Variants in PPP2R3A observed in about 807,000 individuals in gnomAD.
PPP2R3A encodes the protein serine/threonine-protein phosphatase 2A regulatory subunit B'' subunit alpha.
Under a neutral mutation model 106.9 loss-of-function variants are expected in PPP2R3A, and 80 were observed. That is an observed-to-expected ratio of 0.75 (90% CI 0.62 to 0.90). PPP2R3A has a LOEUF of 0.90. Ranked by LOEUF, PPP2R3A falls within the 40% of genes least tolerant of loss-of-function variation. The pLI is 0.00. For missense variants in PPP2R3A, 1,386 were observed against 1,350.4 expected, an observed-to-expected ratio of 1.03 and a Z score of -0.41; for synonymous variants, 483 against 468.3, an observed-to-expected ratio of 1.03 and a Z score of -0.41.
At chr3:136,037,622 A>G (rs1050476015) in intron 3 of PPP2R3A, among the ~76,000 whole-genome samples, 2 of 152,202 alleles carry the variant, frequency 1.3e-5, no homozygotes, top group African/African-American at 4.8e-5. Context: ...AAATGGGATT[A>G]AAAAAATCAC....
intron 3 of PPP2R3A, among the ~76,000 whole-genome samples, chr3:136,028,002 C>T (rs1191504655): frequency 6.6e-6 from 1 of 152,224 alleles, no homozygotes; most frequent in South Asian, 2.1e-4. Flanking sequence ...CCTCAAACTT[C>T]TCTTCCTGGC....
chr3:136,039,849 G>GT (rs149125607), intron 3 of PPP2R3A, among the ~76,000 whole-genome samples: 3 of 151,698 alleles, frequency 2.0e-5, no homozygotes, highest in East Asian at 3.9e-4. Context: ...TCTCCTTCAG[G>GT]TTTTTTTTAA....
Position 136,022,964 on chromosome 3 carries a change from A to G in PPP2R3A, c.1996-3868A>G, listed in dbSNP as rs1248506896. Reference sequence around the variant, plus strand: ...CTTGAATTTCATTTCTTTGGGAGATAAGAAGAAAAAATACCTTCCTACCTG... The same window carrying G: ...CTTGAATTTCATTTCTTTGGGAGATGAGAAGAAAAAATACCTTCCTACCTG... On this transcript the variant is annotated intron_variant, in intron 2 of 13. Transcript: ENST00000264977. 1.9e-6 allele frequency: 3 copies of G among 1,548,102 alleles called. No homozygotes were observed. In the Admixed American group the frequency reaches 6.6e-5, roughly 34 times the overall value.
chr3:136,022,958 G>C, intron 2 of PPP2R3A: 13 of 1,536,212 alleles, frequency 8.5e-6, no homozygotes, highest in Non-Finnish European at 1.1e-5. Context: ...CATTTCTTTG[G>C]GAGATAAGAA....
At chr3:136,037,859 C>G (rs1034203377) in intron 3 of PPP2R3A, among the ~76,000 whole-genome samples, 1 of 151,962 alleles carries the variant, frequency 6.6e-6, no homozygotes, top group Non-Finnish European at 1.5e-5. Flanking sequence ...TATATTGACT[C>G]GCCTCCCCCT....
chr3:136,054,738 C>T (rs1016867696), intron 5 of PPP2R3A, among the ~76,000 whole-genome samples: 1 of 152,164 alleles, frequency 6.6e-6, no homozygotes, highest in South Asian at 2.1e-4. Context: ...TATTTTCTAC[C>T]TTTGTAAAAC....
chr3:136,097,235 A>G (rs1189570873), intron 10 of PPP2R3A, among the ~76,000 whole-genome samples: 1 of 152,028 alleles, frequency 6.6e-6, no homozygotes, highest in Non-Finnish European at 1.5e-5. Flanking sequence ...GAAACTTTAG[A>G]GAGTATCCAG....
rs762895388 is a variant in PPP2R3A, at chr3:136,002,030, C to A, written c.532C>A (p.Arg178=). 3 of 1,613,968 alleles carry A rather than the reference C, an allele frequency of 1.9e-6. No individual in the cohort carries two copies. In the South Asian group the frequency reaches 3.3e-5, roughly 18 times the overall value. The part of the protein sequence containing the change: ...DGNAPSFGLL[R]SSSVEEKPLS... Reference sequence around the variant, plus strand: ...GAACGCCCCATCCTTTGGTTTACTGCGGAGTTCCTCAGTTGAGGAAAAACC... The same window carrying A: ...GAACGCCCCATCCTTTGGTTTACTGAGGAGTTCCTCAGTTGAGGAAAAACC... Residue 178 remains arginine (R), a synonymous_variant, in exon 2 of 14, where the codon CGG becomes AGG. Coordinates refer to ENST00000264977, the MANE Select transcript of PPP2R3A (RefSeq NM_002718.5).
At chr3:136,032,230 A>G (rs1406871269) in intron 3 of PPP2R3A, among the ~76,000 whole-genome samples, 1 of 151,188 alleles carries the variant, frequency 6.6e-6, no homozygotes, top group South Asian at 2.1e-4. Flanking sequence ...GAGGTCTTTC[A>G]CCTCCTTGGT....
Position 136,088,457 on chromosome 3 carries a change from A to G in PPP2R3A, c.2837+526A>G, listed in dbSNP as rs143177131. On this transcript the variant is annotated intron_variant, in intron 9 of 13. Coordinates refer to ENST00000264977, the MANE Select transcript of PPP2R3A (RefSeq NM_002718.5). ...AATTTTTATGGCTGCATAGTATTCA[A>G]TGGTATATATGTACCACATTTTCTT... is the stretch of plus-strand genomic sequence containing the variant. Among the ~76,000 whole-genome samples the G allele has an allele frequency of 2.6e-3, 394 of 152,314 alleles. 7 individuals carry two copies. The East Asian group carries it at 0.047, about 18-fold the overall frequency.
At chr3:136,048,777 A>G (rs1003822581) in intron 4 of PPP2R3A, among the ~76,000 whole-genome samples, 3 of 152,226 alleles carry the variant, frequency 2.0e-5, no homozygotes, top group Non-Finnish European at 4.4e-5. Flanking sequence ...GCAACAAACA[A>G]GAGCCTAAGC....
At chr3:136,099,180 A>G (rs1395864741) in intron 10 of PPP2R3A, among the ~76,000 whole-genome samples, 4 of 152,158 alleles carry the variant, frequency 2.6e-5, no homozygotes, top group Admixed American at 6.5e-5. Context: ...ACACTGGGTC[A>G]TCCCCAAGGA....
intron 5 of PPP2R3A, among the ~76,000 whole-genome samples, chr3:136,065,290 A>T (rs1176787433): frequency 1.3e-5 from 2 of 152,198 alleles, no homozygotes; most frequent in African/African-American, 4.8e-5. Context: ...TTACATTTTT[A>T]TTAAATATAT....
chr3:135,978,005 A>G (rs1468529744), intron 1 of PPP2R3A, among the ~76,000 whole-genome samples: 3 of 152,132 alleles, frequency 2.0e-5, no homozygotes, highest in African/African-American at 7.2e-5. Context: ...CTGGCTGATC[A>G]GCATTCTTAT....
At chr3:136,039,848 G>C (rs964059621) in intron 3 of PPP2R3A, among the ~76,000 whole-genome samples, 1 of 151,176 alleles carries the variant, frequency 6.6e-6, no homozygotes. Context: ...TTCTCCTTCA[G>C]GTTTTTTTTA....
chr3:136,115,745 G>T (rs1937725137), intron 13 of PPP2R3A, among the ~76,000 whole-genome samples: 1 of 152,074 alleles, frequency 6.6e-6, no homozygotes, highest in African/African-American at 2.4e-5. Flanking sequence ...ATGGGACTAT[G>T]TGAAAAGACC....
chr3:135,970,662 G>C (rs1393672268), intron 1 of PPP2R3A, among the ~76,000 whole-genome samples: 3 of 152,298 alleles, frequency 2.0e-5, no homozygotes, highest in African/African-American at 7.2e-5. Flanking sequence ...GGAAATGGGA[G>C]TGGCAAGTGT....
chr3:135,990,231 G>T (rs1274904426), intron 1 of PPP2R3A, among the ~76,000 whole-genome samples: 1 of 152,128 alleles, frequency 6.6e-6, no homozygotes, highest in African/African-American at 2.4e-5. Context: ...CTGATCTCAT[G>T]ATTCCATTCT....
chr3:136,014,537 T>A (rs1021152635), intron 2 of PPP2R3A, among the ~76,000 whole-genome samples: 1 of 152,194 alleles, frequency 6.6e-6, no homozygotes, highest in East Asian at 1.9e-4. Context: ...GTCTTTCACC[T>A]CCTCGGTTAG....
Sources: gnomAD v4.1 joint callset for allele counts (sites outside exome capture counted in the v4.1 genomes callset) on GRCh38, gnomAD v4.1.1 for gene constraint, MANE v1.5 for transcripts, NCBI Gene and HGNC (gene_info 2026-07-23, HGNC 2026-07-21) for gene names.